The following ARFGEF3 variants were observed in gnomAD, a reference collection of about 807,000 sequenced individuals.
ARFGEF3 encodes the protein brefeldin A-inhibited guanine nucleotide-exchange protein 3.
ARFGEF3 carries 96 observed loss-of-function variants against 221.7 expected under a neutral mutation model. The observed-to-expected ratio is 0.43, with a 90% CI of 0.37 to 0.51. The LOEUF (loss-of-function observed/expected upper bound fraction) is 0.51. Among genes scored for constraint, ARFGEF3 ranks in the 20% least tolerant of loss-of-function variants. ARFGEF3 has a pLI of 0.00. For synonymous variants in ARFGEF3, 1,145 were observed against 1,126.8 expected (o/e 1.02, Z -0.32); for missense variants, 2,410 against 2,789.9 (o/e 0.86, Z 3.07).
At chr6:138,180,449 A>G (rs1450331649) in intron 2 of ARFGEF3, among the ~76,000 whole-genome samples, 1 of 152,164 alleles carries the variant, frequency 6.6e-6, no homozygotes, top group Non-Finnish European at 1.5e-5. Context: ...CTTCTCTTGG[A>G]TGTAAACTCA....
At chr6:138,261,463 T>G (rs1778791932) in intron 10 of ARFGEF3, 64 bp from the exon 11 acceptor site, 1 of 976,784 alleles carries the variant, frequency 1.0e-6, no homozygotes, top group Non-Finnish European at 1.5e-6. Flanking sequence ...ATCTCACAAT[T>G]TAAAAACCTT....
At chr6:138,335,234 AGTACTGGATGG>A (rs765222705) in intron 33 of ARFGEF3, 46 bp downstream of exon 33, 52 of 1,484,726 alleles carry the variant, frequency 3.5e-5, no homozygotes, top group Middle Eastern at 4.5e-4. Context: ...CTGGGTTTCC[AGTACTGGATGG>A]GCCCCCCCTT....
intron 19 of ARFGEF3, among the ~76,000 whole-genome samples, chr6:138,293,270 C>T (rs1779447388): frequency 6.6e-6 from 1 of 152,146 alleles, no homozygotes; most frequent in Admixed American, 6.5e-5. Flanking sequence ...CTCGTTGTGG[C>T]CTCATAAAAC....
At chr6:138,193,312 A>G (rs933276616) in intron 2 of ARFGEF3, among the ~76,000 whole-genome samples, 6 of 152,060 alleles carry the variant, frequency 3.9e-5, no homozygotes, top group Non-Finnish European at 8.8e-5. Context: ...AGACACTTGC[A>G]TTTTTCTAGA....
intron 19 of ARFGEF3, among the ~76,000 whole-genome samples, chr6:138,293,063 G>T (rs777047761): frequency 7.9e-5 from 12 of 152,150 alleles, no homozygotes; most frequent in Non-Finnish European, 1.8e-4. Context: ...TGTTTAATCC[G>T]CTAATTCCCA....
At chr6:138,171,536 T>TCTTCCCCTCCCACTATAA (rs1328251025) in intron 2 of ARFGEF3, among the ~76,000 whole-genome samples, 1 of 152,150 alleles carries the variant, frequency 6.6e-6, no homozygotes, top group Non-Finnish European at 1.5e-5. Context: ...TTCCCCACCT[T>TCTTCCCCTCCCACTATAA]CTTCCCCTCC....
intron 13 of ARFGEF3, 98 bp from the exon 14 acceptor site, chr6:138,279,901 T>A: frequency 8.2e-7 from 1 of 1,225,194 alleles, no homozygotes; most frequent in Non-Finnish European, 1.2e-6. Flanking sequence ...CTTGGTTTAG[T>A]TCAGGGCTCT....
chr6:138,280,393 T>A (rs140726590), intron 14 of ARFGEF3, among the ~76,000 whole-genome samples: 144 of 152,310 alleles, frequency 9.5e-4, no homozygotes, highest in African/African-American at 3.3e-3. Context: ...CCCCATTAGA[T>A]GAGGACTAAC....
chr6:138,309,364 A>G (rs895157054), intron 24 of ARFGEF3, among the ~76,000 whole-genome samples: 1 of 152,186 alleles, frequency 6.6e-6, no homozygotes, highest in Non-Finnish European at 1.5e-5. Context: ...TAAATTAAGT[A>G]TAAAATCATC....
At chr6:138,250,773 A>G (rs967012444) in intron 8 of ARFGEF3, among the ~76,000 whole-genome samples, 1 of 152,260 alleles carries the variant, frequency 6.6e-6, no homozygotes, top group African/African-American at 2.4e-5. Flanking sequence ...GAATGAGACC[A>G]GCAGATACTA....
intron 9 of ARFGEF3, among the ~76,000 whole-genome samples, chr6:138,254,513 C>G (rs1361782413): frequency 6.6e-6 from 1 of 151,786 alleles, no homozygotes; most frequent in Admixed American, 6.6e-5. Context: ...GGGCGGATCA[C>G]AAGGTCAGGA....
At chr6:138,185,268 C>G (rs1348897957) in intron 2 of ARFGEF3, among the ~76,000 whole-genome samples, 1 of 152,210 alleles carries the variant, frequency 6.6e-6, no homozygotes, top group Non-Finnish European at 1.5e-5. Context: ...GAAGCTGACA[C>G]ATGGTGGATC....
intron 8 of ARFGEF3, 121 bp from the exon 9 acceptor site, chr6:138,253,759 G>A (rs1440020762): frequency 1.8e-5 from 14 of 758,404 alleles, no homozygotes; most frequent in Middle Eastern, 2.3e-4. Flanking sequence ...AACACTAACC[G>A]TCCCCCTAAA....
chr6:138,278,151 C>T (rs1176350121), intron 12 of ARFGEF3, among the ~76,000 whole-genome samples: 3 of 152,074 alleles, frequency 2.0e-5, no homozygotes, highest in African/African-American at 7.2e-5. Flanking sequence ...GCAGTCAATT[C>T]TTCTTATTAT....
At chr6:138,326,180 T>C (rs1411044418) in intron 31 of ARFGEF3, among the ~76,000 whole-genome samples, 1 of 152,118 alleles carries the variant, frequency 6.6e-6, no homozygotes, top group Non-Finnish European at 1.5e-5. Flanking sequence ...TTAATACTTC[T>C]CTATTTCTTC....
At position 138,340,356 on chromosome 6, in the gene ARFGEF3, T is replaced by G. The variant is rs1005711796; in HGVS notation, c.*3870T>G. 2 of 152,256 alleles carry G rather than the reference T, an allele frequency of 1.3e-5. No individual in the cohort carries two copies. The highest frequency in any genetic ancestry group is 4.8e-5 in the African/African-American group (2 of 41,470). 9.4% of individuals were successfully genotyped at this position (152,256 alleles called of 1,614,324 possible). ...CCTTGTTGTTTTAAAATGAGGCTTA[T>G]ACAGAGTGAGTTGAGAGTCAAGTAG... On this transcript the variant is annotated 3_prime_UTR_variant, in exon 34 of 34. Transcript: ENST00000251691.
intron 5 of ARFGEF3, among the ~76,000 whole-genome samples, chr6:138,232,012 A>C (rs1778201872): frequency 6.6e-6 from 1 of 152,258 alleles, no homozygotes; most frequent in African/African-American, 2.4e-5. Flanking sequence ...TGAAATATCC[A>C]AGTGCTTTCT....
chr6:138,272,379 A>G (rs1456289107), intron 12 of ARFGEF3, among the ~76,000 whole-genome samples: 1 of 151,758 alleles, frequency 6.6e-6, no homozygotes, highest in East Asian at 1.9e-4. Context: ...CTGGTCTTGA[A>G]CTCCTGACAT....
chr6:138,332,058 C>T (rs1300909952), intron 32 of ARFGEF3, among the ~76,000 whole-genome samples: 3 of 152,046 alleles, frequency 2.0e-5, no homozygotes, highest in Non-Finnish European at 4.4e-5. Context: ...TTTGCATTGG[C>T]CTGACTTTAG....
Sources: allele counts gnomAD v4.1 joint callset (sites outside exome capture counted in the v4.1 genomes callset), GRCh38; gene constraint gnomAD v4.1.1; transcripts MANE v1.5; gene names NCBI Gene and HGNC (gene_info 2026-07-23, HGNC 2026-07-21).